The following TOR1B variants were observed in gnomAD, a reference collection of about 807,000 sequenced individuals.
TOR1B encodes torsin family 1 member B, also known as torsin-1B.
A neutral mutation model predicts 29.2 loss-of-function variants in TOR1B; 14 were observed. The ratio of observed to expected loss-of-function variants is 0.48; its 90% CI spans 0.32 to 0.75. The LOEUF (loss-of-function observed/expected upper bound fraction) is 0.75, where lower values mean the gene tolerates loss of function less well. Ranked by LOEUF, TOR1B falls within the 30% of genes least tolerant of loss-of-function variation. TOR1B has a pLI of 0.04. For missense variants in TOR1B, 400 were observed against 433.9 expected (o/e 0.92, Z 0.69); for synonymous variants, 166 against 179.8 (o/e 0.92, Z 0.62).
At position 129,811,006 on chromosome 9, in the gene TOR1B, T is replaced by C. The variant is rs975736587; in HGVS notation, c.*1423T>C. On this transcript the variant is annotated 3_prime_UTR_variant, in exon 5 of 5. Coordinates refer to ENST00000259339, the MANE Select transcript of TOR1B (RefSeq NM_014506.3). ...TTAGCTTCCAGCCAGTGTGAATCAT[T>C]GTATCTGTCTCATAATCACAGCACA... 31 of 152,220 alleles carry C rather than the reference T, an allele frequency of 2.0e-4. No homozygotes were observed. Among genetic ancestry groups the C allele is most frequent in the Non-Finnish European group, 1.5e-5 (1 of 68,042 alleles). 9.4% of individuals were successfully genotyped at this position (152,220 alleles called of 1,614,324 possible).
At chr9:129,803,716 T>C (rs2030302311) in intron 1 of TOR1B, among the ~76,000 whole-genome samples, 1 of 152,244 alleles carries the variant, frequency 6.6e-6, no homozygotes, top group Non-Finnish European at 1.5e-5. Flanking sequence ...TTCTGCGCCC[T>C]GCCAACCCTA....
intron 3 of TOR1B, among the ~76,000 whole-genome samples, chr9:129,808,543 C>CTTTTT (rs763409733): frequency 1.5e-4 from 12 of 77,802 alleles, no homozygotes; most frequent in African/African-American, 4.8e-4. Context: ...ACACAGAAGT[C>CTTTTT]TTTTTTTTTT....
rs1228772795 is a variant in TOR1B, at chr9:129,810,299, G to A, written c.*716G>A. 3 of 1,302,820 alleles carry A rather than the reference G, an allele frequency of 2.3e-6. No individual in the cohort carries two copies. Among genetic ancestry groups the A allele is most frequent in the Admixed American group, 4.6e-5 (2 of 43,444 alleles). The allele number at this position is 1,302,820 out of a possible 1,614,324, so 80.7% of individuals were successfully genotyped here. A position where few individuals can be genotyped will look rare whatever the true frequency, so the allele number is the denominator to read the frequency against. ...CAGACGGTGTCTGACCGGAGGATGTGGCCGTGCCCGCCGAGCACTCTTGAT... is the reference window on the plus strand; with the variant it reads ...CAGACGGTGTCTGACCGGAGGATGTAGCCGTGCCCGCCGAGCACTCTTGAT... On this transcript the variant is annotated 3_prime_UTR_variant, in exon 5 of 5. Transcript: ENST00000259339.
In TOR1B at chr9:129,810,349, G is replaced by T. The variant is rs1300771015; in HGVS notation, c.*766G>T. Reference sequence around the variant, plus strand: ...TCTGAGCTGACCTGTGTGTGTGTGTGTGGGGGGGTGGGGCCTTCACCTAAG... The same window carrying T: ...TCTGAGCTGACCTGTGTGTGTGTGTTTGGGGGGGTGGGGCCTTCACCTAAG... On this transcript the variant is annotated 3_prime_UTR_variant, in exon 5 of 5. Transcript: ENST00000259339. 2.5e-5 allele frequency: 27 copies of T among 1,090,710 alleles called. 2 individuals are homozygous for T. The East Asian group carries it at 1.4e-3, about 55-fold the overall frequency. 67.6% of individuals were successfully genotyped at this position (1,090,710 alleles called of 1,614,324 possible).
chr9:129,804,373 A>G, intron 2 of TOR1B, 35 bp downstream of exon 2: 1 of 1,602,318 alleles, frequency 6.2e-7, no homozygotes, highest in Non-Finnish European at 8.5e-7. Context: ...TCTGCAGGCC[A>G]GTCGGACTGG....
At chr9:129,806,344 G>A (rs2030483821) in intron 2 of TOR1B, among the ~76,000 whole-genome samples, 1 of 152,140 alleles carries the variant, frequency 6.6e-6, no homozygotes, top group South Asian at 2.1e-4. Flanking sequence ...GGAGTTTCCT[G>A]GTATAGCCTT....
At chr9:129,804,611 G>A (rs951928414) in intron 2 of TOR1B, 2 of 397,130 alleles carry the variant, frequency 5.0e-6, no homozygotes, top group Admixed American at 4.1e-5. Context: ...TGTAATCCCA[G>A]CATTTTGGGG....
chr9:129,804,992 G>C (rs2030390644), intron 2 of TOR1B, among the ~76,000 whole-genome samples: 1 of 150,088 alleles, frequency 6.7e-6, no homozygotes, highest in Non-Finnish European at 1.5e-5. Flanking sequence ...CAAAAAATTA[G>C]CCGGGGATGG....
intron 2 of TOR1B, among the ~76,000 whole-genome samples, chr9:129,806,297 AAACAGAGT>A (rs1464458752): frequency 6.6e-6 from 1 of 152,232 alleles, no homozygotes; most frequent in African/African-American, 2.4e-5. Context: ...AAATCTCCGG[AAACAGAGT>A]AATATAAATG....
At position 129,810,184 on chromosome 9, in the gene TOR1B, T is replaced by C. The variant is rs984027523; in HGVS notation, c.*601T>C. ...CAGGCTGCGGGGCACTGTGTTCTCA[T>C]TGGCCAAAAACATCCTTTTGCTCTG... On this transcript the variant is annotated 3_prime_UTR_variant, in exon 5 of 5. Transcript: ENST00000259339. The C allele has an allele frequency of 1.0e-5, 13 of 1,304,122 alleles. No individual in the cohort carries two copies. The Admixed American group carries it at 2.3e-4, about 23-fold the overall frequency. The allele number at this position is 1,304,122 out of a possible 1,614,324, so 80.8% of individuals were successfully genotyped here.
Position 129,803,202 on chromosome 9 carries a change from C to A in TOR1B, c.-11C>A. 3 of 1,461,530 alleles carry A rather than the reference C, an allele frequency of 2.1e-6. No homozygotes were observed. In the African/African-American group the frequency reaches 4.4e-5, roughly 21 times the overall value. The allele number at this position is 1,461,530 out of a possible 1,614,324, so 90.5% of individuals were successfully genotyped here. On this transcript the variant is annotated 5_prime_UTR_variant, in exon 1 of 5. Coordinates refer to ENST00000259339, the MANE Select transcript of TOR1B (RefSeq NM_014506.3). ...CTGGCTCAGTGGCTTCTGCGGGCTT[C>A]GAGGAGCGGGATGTTGCGGGCTGGG...
At chr9:129,804,777 G>A (rs1189110597) in intron 2 of TOR1B, among the ~76,000 whole-genome samples, 1 of 143,626 alleles carries the variant, frequency 7.0e-6, no homozygotes, top group East Asian at 2.0e-4. Context: ...CAGGAGAATC[G>A]CTTGAACCTG....
In TOR1B at chr9:129,809,845, G is replaced by A; in HGVS notation, c.*262G>A. On this transcript the variant is annotated 3_prime_UTR_variant, in exon 5 of 5. Transcript: ENST00000259339. ...GCCTCCCGAGTAGCTGGGATTACAG[G>A]CATGAGCCACTGTGCCCAGCTGGGA... 7.4e-7 allele frequency: 1 copy of A among 1,343,086 alleles called. No individual in the cohort carries two copies. The highest frequency in any genetic ancestry group is 1.6e-5 in the South Asian group (1 of 63,224). The allele number at this position is 1,343,086 out of a possible 1,614,324, so 83.2% of individuals were successfully genotyped here. A position where few individuals can be genotyped will look rare whatever the true frequency, so the allele number is the denominator to read the frequency against.
Position 129,804,256 on chromosome 9 carries a change from C to G in TOR1B, c.383C>G (p.Pro128Arg), listed in dbSNP as rs1484637294. The change falls in exon 2 of 5, where the codon CCA becomes CGA. Residue 128 changes from proline to arginine, a missense_variant. Physicochemically the swap from Pro to Arg is moderately radical, Grantham distance 103. Transcript: ENST00000259339. ...CAAATTGTGGCTGAAAATCTTCACC[C>G]AAAAGGTCTGAAGAGTAACTTTGTC... ...VSQIVAENLH[P>R]KGLKSNFVHL... 2 of 1,614,194 alleles carry G rather than the reference C, an allele frequency of 1.2e-6. No individual in the cohort carries two copies. Among genetic ancestry groups the G allele is most frequent in the East Asian group, 4.5e-5 (2 of 44,882 alleles).
intron 4 of TOR1B, 74 bp from the exon 5 acceptor site, chr9:129,809,268 G>A: frequency 6.2e-7 from 1 of 1,602,206 alleles, no homozygotes. Context: ...CATGAGGAAT[G>A]TGCTGAGGGT....
rs1334943395 is a variant in TOR1B at position 129,804,139 on chromosome 9, C to G, written c.266C>G (p.Ala89Gly). The change falls in exon 2 of 5, where the codon GCG becomes GGG. Residue 89 changes from alanine (A) to glycine (G), a missense_variant. Coordinates refer to ENST00000259339, the MANE Select transcript of TOR1B (RefSeq NM_014506.3). Reference sequence around the variant, plus strand: ...CTAGCCACGGAAGTGATTTTCAAGGCGCTGACTGGCTTCAGGAACAACAAA... The same window carrying G: ...CTAGCCACGGAAGTGATTTTCAAGGGGCTGACTGGCTTCAGGAACAACAAA... ...QHLATEVIFK[A>G]LTGFRNNKNP... 6 of 1,614,184 alleles carry G rather than the reference C, an allele frequency of 3.7e-6. No homozygotes were observed. Among genetic ancestry groups the G allele is most frequent in the Non-Finnish European group, 5.1e-6 (6 of 1,180,044 alleles).
At chr9:129,806,359 G>A (rs930163600) in intron 2 of TOR1B, among the ~76,000 whole-genome samples, 1 of 152,144 alleles carries the variant, frequency 6.6e-6, no homozygotes, top group Admixed American at 6.5e-5. Context: ...AGCCTTTCAC[G>A]CTTTGGGGTT....
rs189453222 is a variant in TOR1B, at chr9:129,805,915, G to C, written c.466-1273G>C. ...TTTAAATGAATGTTGTCCTTGTCAAGGTTAACATTCCCACTGGCAACATAG... is the reference window on the plus strand; with the variant it reads ...TTTAAATGAATGTTGTCCTTGTCAACGTTAACATTCCCACTGGCAACATAG... On this transcript the variant is annotated intron_variant, in intron 2 of 4. Coordinates refer to ENST00000259339, the MANE Select transcript of TOR1B (RefSeq NM_014506.3). 1.4e-4 allele frequency among the ~76,000 whole-genome samples: 21 copies of C among 152,182 alleles called. No homozygotes were observed. The East Asian group carries it at 4.0e-3, about 29-fold the overall frequency.
At chr9:129,807,777 C>T (rs1455856295) in intron 3 of TOR1B, among the ~76,000 whole-genome samples, 1 of 150,384 alleles carries the variant, frequency 6.6e-6, no homozygotes, top group Non-Finnish European at 1.5e-5. Context: ...ACCCGGGAGG[C>T]GGAGCTTGCA....
Sources: gnomAD v4.1 joint callset for allele counts (sites outside exome capture counted in the v4.1 genomes callset) on GRCh38, gnomAD v4.1.1 for gene constraint, MANE v1.5 for transcripts, NCBI Gene and HGNC (gene_info 2026-07-23, HGNC 2026-07-21) for gene names.